Variants in CD300LF observed in about 807,000 individuals in gnomAD.
CD300LF encodes CD300 molecule like family member f, also known as CMRF35-like molecule 1.
CD300LF carries 27 observed loss-of-function variants against 32.2 expected under a neutral mutation model. That is an observed-to-expected ratio of 0.84 (90% CI 0.62 to 1.15). The LOEUF (loss-of-function observed/expected upper bound fraction) is 1.15, where lower values mean the gene tolerates loss of function less well. CD300LF is among the 50% of genes most tolerant of loss of function. The probability of loss-of-function intolerance (pLI) is 0.00; values close to 1 mark genes in which losing one functional copy is unlikely to be tolerated. For synonymous variants in CD300LF, 139 were observed against 143.2 expected (o/e 0.97, Z 0.21); for missense variants, 348 against 356.8 (o/e 0.98, Z 0.20).
chr17:74,707,045 T>C (rs1485107715), intron 1 of CD300LF, among the ~76,000 whole-genome samples: 1 of 152,112 alleles, frequency 6.6e-6, no homozygotes, highest in Non-Finnish European at 1.5e-5. Context: ...GAAGAAAACC[T>C]AATGGAAAAG....
intron 2 of CD300LF, among the ~76,000 whole-genome samples, chr17:74,703,396 T>C (rs959033326): frequency 6.6e-6 from 1 of 152,060 alleles, no homozygotes; most frequent in African/African-American, 2.4e-5. Flanking sequence ...GGGAAGAGCC[T>C]AAGGGCAGCT....
At chr17:74,705,347 C>A in intron 1 of CD300LF, 1 of 668,074 alleles carries the variant, frequency 1.5e-6, no homozygotes, top group South Asian at 1.5e-5. Context: ...TGAAGTTGAT[C>A]AAAACAGCAA....
At position 74,704,612 on chromosome 17, in the gene CD300LF, T is replaced by C. The variant is rs976339773; in HGVS notation, c.248A>G (p.Lys83Arg). ...GAACGTGCGGTTTTTCTGATTGTCC[T>C]TGATGGACACCCGGTCCCTCTTCAC... ...QEVKRDRVSI[K>R]DNQKNRTFTV... The change falls in exon 2 of 7, where the codon AAG becomes AGG. Residue 83 changes from lysine (K) to arginine (R), a missense_variant. Coordinates refer to ENST00000326165, the MANE Select transcript of CD300LF (RefSeq NM_139018.5). The C allele has an allele frequency of 7.4e-6, 12 of 1,614,122 alleles. No individual in the cohort carries two copies. Among genetic ancestry groups the C allele is most frequent in the Non-Finnish European group, 1.0e-5 (12 of 1,180,050 alleles).
intron 3 of CD300LF, among the ~76,000 whole-genome samples, chr17:74,701,062 C>A (rs1348268309): frequency 6.6e-6 from 1 of 152,176 alleles, no homozygotes; most frequent in African/African-American, 2.4e-5. Flanking sequence ...ACCTTGTGGA[C>A]CACTTGATCT....
At chr17:74,703,364 C>T (rs2033235465) in intron 2 of CD300LF, among the ~76,000 whole-genome samples, 1 of 151,976 alleles carries the variant, frequency 6.6e-6, no homozygotes, top group Non-Finnish European at 1.5e-5. Flanking sequence ...CTGAGCTGGC[C>T]CTGGGAGGGT....
At chr17:74,699,831 C>G (rs942435255) in intron 3 of CD300LF, among the ~76,000 whole-genome samples, 17 of 152,054 alleles carry the variant, frequency 1.1e-4, no homozygotes, top group African/African-American at 4.1e-4. Flanking sequence ...TCAAAGCACA[C>G]CCCTCTCTTT....
intron 4 of CD300LF, 152 bp from the exon 5 acceptor site, chr17:74,696,369 G>T: frequency 1.3e-6 from 1 of 758,994 alleles, no homozygotes; most frequent in Non-Finnish European, 2.1e-6. Context: ...TTCCTCAGAT[G>T]ACACAGTCTG....
intron 1 of CD300LF, among the ~76,000 whole-genome samples, chr17:74,708,895 G>A (rs1363938370): frequency 2.1e-5 from 3 of 145,514 alleles, no homozygotes; most frequent in South Asian, 2.2e-4. Flanking sequence ...CAGCCTGGGC[G>A]ACAGAGCAAG....
At chr17:74,700,922 G>C (rs2032995977) in intron 3 of CD300LF, among the ~76,000 whole-genome samples, 1 of 141,622 alleles carries the variant, frequency 7.1e-6, no homozygotes, top group African/African-American at 2.4e-5. Context: ...GGTCACTGGG[G>C]CAGGCCCTAA....
intron 2 of CD300LF, 140 bp from the exon 3 acceptor site, chr17:74,703,238 G>A: frequency 2.0e-6 from 2 of 997,840 alleles, no homozygotes; most frequent in Non-Finnish European, 3.0e-6. Context: ...CTGGGCGGGG[G>A]TCTGGACTGC....
At position 74,695,048 on chromosome 17, in the gene CD300LF, A is replaced by G. The variant is rs991658719; in HGVS notation, c.*48T>C. The G allele has an allele frequency of 1.3e-6, 2 of 1,582,640 alleles. No individual in the cohort carries two copies. Among genetic ancestry groups the G allele is most frequent in the Non-Finnish European group, 1.7e-6 (2 of 1,161,502 alleles). ...GCAGGGGGCAGACGGTCGATGAGGC[A>G]GGAGTGTGCTCACAGCCTGGGGTCC... On this transcript the variant is annotated 3_prime_UTR_variant, in exon 7 of 7. Transcript: ENST00000326165.
At chr17:74,702,158 A>G (rs576877139) in intron 3 of CD300LF, among the ~76,000 whole-genome samples, 72 of 152,288 alleles carry the variant, frequency 4.7e-4, no homozygotes, top group Non-Finnish European at 9.4e-4. Context: ...GGTCCCAGCA[A>G]AAGGAGAACT....
chr17:74,712,673 G>A (rs181726936), intron 1 of CD300LF, 151 bp downstream of exon 1: 24 of 762,244 alleles, frequency 3.1e-5, no homozygotes, highest in East Asian at 1.1e-4. Flanking sequence ...CCTTGGCAAC[G>A]GAAATGCTAG....
chr17:74,698,616 T>C, intron 3 of CD300LF, 135 bp from the exon 4 acceptor site: 1 of 1,483,248 alleles, frequency 6.7e-7, no homozygotes, highest in Non-Finnish European at 9.0e-7. Flanking sequence ...CTGGGAACCC[T>C]CACTCCTGGG....
intron 1 of CD300LF, chr17:74,705,266 T>C (rs1406278725): frequency 1.6e-5 from 11 of 701,208 alleles, no homozygotes; most frequent in African/African-American, 3.5e-5. Context: ...CAGATGGCTG[T>C]GGAGAGGCTG....
At chr17:74,703,915 C>T (rs531671775) in intron 2 of CD300LF, among the ~76,000 whole-genome samples, 1 of 152,380 alleles carries the variant, frequency 6.6e-6, no homozygotes, top group East Asian at 1.9e-4. Context: ...TAAGTCCACA[C>T]ACACAAATGG....
intron 1 of CD300LF, among the ~76,000 whole-genome samples, chr17:74,712,451 C>A (rs1057357076): frequency 6.6e-6 from 1 of 152,220 alleles, no homozygotes; most frequent in Non-Finnish European, 1.5e-5. Context: ...TTCCCTGACG[C>A]CTGCCCTTGC....
At chr17:74,700,427 C>T (rs1415187533) in intron 3 of CD300LF, among the ~76,000 whole-genome samples, 1 of 152,104 alleles carries the variant, frequency 6.6e-6, no homozygotes, top group Non-Finnish European at 1.5e-5. Flanking sequence ...CTCACTTTCT[C>T]ACCTCTTCCA....
chr17:74,695,471 G>A (rs547884152), intron 6 of CD300LF, among the ~76,000 whole-genome samples: 7 of 152,270 alleles, frequency 4.6e-5, no homozygotes, highest in African/African-American at 1.4e-4. Flanking sequence ...CATTTCCTGT[G>A]GAATCCCAAG....
Sources: allele counts gnomAD v4.1 joint callset (sites outside exome capture counted in the v4.1 genomes callset), GRCh38; gene constraint gnomAD v4.1.1; transcripts MANE v1.5; gene names NCBI Gene and HGNC (gene_info 2026-07-23, HGNC 2026-07-21).